TSC22D2: variants seen among roughly 807,000 people sequenced by gnomAD.
TSC22D2 encodes the protein TSC22 domain family member 2, also known as TSC22 domain family protein 2.
In TSC22D2, 5 loss-of-function variants were observed where a neutral mutation model predicts 50.1. The observed-to-expected ratio is 0.10, with a 90% CI of 0.05 to 0.21. TSC22D2 has a LOEUF of 0.21. Among genes scored for constraint, TSC22D2 ranks in the 10% least tolerant of loss-of-function variants. The probability of loss-of-function intolerance (pLI) is 1.00; values close to 1 mark genes in which losing one functional copy is unlikely to be tolerated. For missense variants in TSC22D2, 1,003 were observed against 1,015.5 expected (o/e 0.99, Z 0.17); for synonymous variants, 501 against 450.1 (o/e 1.11, Z -1.43).
chr3:150,411,154 C>T lies in TSC22D2; in HGVS notation c.1804C>T (p.Pro602Ser). ...TACTAGAAGAAAATCAGAACCCCTACCTCAACCACCACTTTCTCTCATTGC... is the reference window on the plus strand; with the variant it reads ...TACTAGAAGAAAATCAGAACCCCTATCTCAACCACCACTTTCTCTCATTGC... ...DDTRRKSEPL[P>S]QPPLSLIAEN... The change falls in exon 1 of 3, where the codon CCT becomes TCT. Residue 602 changes from proline to serine, a missense_variant. Around this residue, in one of 6 missense-constraint regions of TSC22D2, gnomAD observed 696 missense variants for 647.8 expected, o/e 1.07. Coordinates refer to ENST00000688009, the MANE Select transcript of TSC22D2 (RefSeq NM_001303264.2). 6.2e-7 allele frequency: 1 copy of T among 1,614,156 alleles called. No individual in the cohort carries two copies. The highest frequency in any genetic ancestry group is 8.5e-7 in the Non-Finnish European group (1 of 1,180,038).
At chr3:150,449,060 C>G (rs976987853) in intron 1 of TSC22D2, among the ~76,000 whole-genome samples, 11 of 152,092 alleles carry the variant, frequency 7.2e-5, no homozygotes, top group African/African-American at 2.7e-4. Flanking sequence ...ACATCACATT[C>G]TCAGATGGTT....
Position 150,458,755 on chromosome 3 carries a change from T to C in TSC22D2, c.*119T>C. 7.6e-7 allele frequency: 1 copy of C among 1,315,642 alleles called. No homozygotes were observed. The highest frequency in any genetic ancestry group is 1.5e-5 in the South Asian group (1 of 68,516). The allele number at this position is 1,315,642 out of a possible 1,614,324, so 81.5% of individuals were successfully genotyped here. A position where few individuals can be genotyped will look rare whatever the true frequency, so the allele number is the denominator to read the frequency against. On this transcript the variant is annotated 3_prime_UTR_variant, in exon 3 of 3. Transcript: ENST00000688009. The stretch of plus-strand genomic sequence containing the variant: ...ATGCTTTGGTTGTGTGTTTGGCCTT[T>C]TCAGTATTAGACAATCATTCTACAA...
At chr3:150,427,472 A>G (rs2108075283) in intron 1 of TSC22D2, among the ~76,000 whole-genome samples, 1 of 152,198 alleles carries the variant, frequency 6.6e-6, no homozygotes, top group Admixed American at 6.5e-5. Context: ...GCATAGTTGT[A>G]GATGTGGACT....
At position 150,410,790 on chromosome 3, in the gene TSC22D2, C is replaced by G. The variant is rs771085353; in HGVS notation, c.1440C>G (p.Ser480=). ...LGPAGAGQPQ[S]VPPPQMGGSG... ...CTGCCGGGGCTGGGCAGCCCCAGTC[C>G]GTGCCTCCGCCGCAGATGGGTGGCA... Residue 480 remains serine (S), a synonymous_variant, in exon 1 of 3, where the codon TCC becomes TCG. Transcript: ENST00000688009. 3.1e-6 allele frequency: 5 copies of G among 1,612,648 alleles called. No individual in the cohort carries two copies. In the South Asian group the frequency reaches 5.5e-5, roughly 18 times the overall value.
chr3:150,411,655 C>T (rs945742310), intron 1 of TSC22D2, among the ~76,000 whole-genome samples: 1 of 151,480 alleles, frequency 6.6e-6, no homozygotes, highest in African/African-American at 2.4e-5. Flanking sequence ...CACTTGAACA[C>T]GTAAGGCAGA....
chr3:150,463,666 T>A lies in TSC22D2; in HGVS notation c.*5030T>A, dbSNP rs1721479099. On this transcript the variant is annotated 3_prime_UTR_variant, in exon 3 of 3. Transcript: ENST00000688009. ...CAATTGGTATGACATGCTGTGTTCATAGATGAAAATGCTAAGTGAGGCACT... is the reference window on the plus strand; with the variant it reads ...CAATTGGTATGACATGCTGTGTTCAAAGATGAAAATGCTAAGTGAGGCACT... The A allele has an allele frequency of 6.6e-6, 1 of 152,182 alleles. No individual in the cohort carries two copies. Among genetic ancestry groups the A allele is most frequent in the Admixed American group, 6.5e-5 (1 of 15,278 alleles). 9.4% of individuals were successfully genotyped at this position (152,182 alleles called of 1,614,324 possible). A position where few individuals can be genotyped will look rare whatever the true frequency, so the allele number is the denominator to read the frequency against.
chr3:150,441,487 T>C (rs754243157), intron 1 of TSC22D2, among the ~76,000 whole-genome samples: 13 of 152,126 alleles, frequency 8.5e-5, no homozygotes, highest in Non-Finnish European at 1.6e-4. Flanking sequence ...AGGCCGGGCA[T>C]GGTGGCTCAT....
chr3:150,443,095 T>G (rs553996834), intron 1 of TSC22D2, among the ~76,000 whole-genome samples: 1 of 152,300 alleles, frequency 6.6e-6, no homozygotes, highest in East Asian at 1.9e-4. Flanking sequence ...TAACCACCTA[T>G]CCTATACTTG....
At chr3:150,418,968 C>T in intron 1 of TSC22D2, among the ~76,000 whole-genome samples, 1 of 152,008 alleles carries the variant, frequency 6.6e-6, no homozygotes, top group Middle Eastern at 3.2e-3. Flanking sequence ...ACCCCTGGCT[C>T]TAAGTTTAAG....
At position 150,413,018 on chromosome 3, in the gene TSC22D2, C is replaced by T. The variant is rs767601028; in HGVS notation, c.1958+1710C>T. On this transcript the variant is annotated intron_variant, in intron 1 of 2. Coordinates refer to ENST00000688009, the MANE Select transcript of TSC22D2 (RefSeq NM_001303264.2). Reference sequence around the variant, plus strand: ...TCTATACACACACACACCCCTCCACCCGAGAATGCAGATTACATTTTCCCT... The same window carrying T: ...TCTATACACACACACACCCCTCCACTCGAGAATGCAGATTACATTTTCCCT... Among the ~76,000 whole-genome samples, 53 of 152,184 alleles carry T rather than the reference C, an allele frequency of 3.5e-4. 1 individual carries two copies. Among genetic ancestry groups the T allele is most frequent in the Admixed American group, 6.5e-4 (10 of 15,298 alleles).
intron 1 of TSC22D2, among the ~76,000 whole-genome samples, chr3:150,442,680 CGGTTTTGGTGCAGTG>C (rs1560089133): frequency 6.6e-6 from 1 of 152,152 alleles, no homozygotes; most frequent in East Asian, 1.9e-4. Context: ...AGTCATATCT[CGGTTTTGGTGCAGTG>C]GCTCAAGCCT....
chr3:150,436,363 G>T (rs1720544430), intron 1 of TSC22D2, among the ~76,000 whole-genome samples: 1 of 151,798 alleles, frequency 6.6e-6, no homozygotes, highest in African/African-American at 2.4e-5. Context: ...TTAACAAAGG[G>T]TCAAGCAGTC....
At chr3:150,417,484 G>A (rs980208849) in intron 1 of TSC22D2, among the ~76,000 whole-genome samples, 1 of 152,242 alleles carries the variant, frequency 6.6e-6, no homozygotes, top group East Asian at 1.9e-4. Context: ...GTTTAATTAT[G>A]TGTTAACATA....
At position 150,410,181 on chromosome 3, in the gene TSC22D2, G is replaced by T. The variant is rs1247398819; in HGVS notation, c.831G>T (p.Pro277=). ...QSFSVGQPQP[P]PPPVGGAVAQ... is the part of the protein sequence containing the mutation. ...TTAGCGTTGGGCAGCCACAGCCGCC[G>T]CCGCCACCCGTAGGTGGGGCTGTGG... Residue 277 remains proline, a synonymous_variant, in exon 1 of 3, where the codon CCG becomes CCT. Transcript: ENST00000688009. The T allele has an allele frequency of 1.9e-6, 3 of 1,607,874 alleles. No individual in the cohort carries two copies. Among genetic ancestry groups the T allele is most frequent in the African/African-American group, 2.7e-5 (2 of 74,846 alleles).
chr3:150,443,733 C>T (rs752774994), intron 1 of TSC22D2, among the ~76,000 whole-genome samples: 1 of 152,082 alleles, frequency 6.6e-6, no homozygotes, highest in Non-Finnish European at 1.5e-5. Flanking sequence ...AATTTTGATT[C>T]AGTAGAGAGT....
rs778393786 is a variant in TSC22D2 at position 150,409,703 on chromosome 3, C to A, written c.353C>A (p.Ala118Asp). ...GCCCGGAGCGTGTCTGGGGCGCTCG[C>A]CAGTACCCTGGCGGCGGCTGCCACT... The part of the protein sequence containing the change: ...VSARSVSGAL[A>D]STLAAAATSA... The change falls in exon 1 of 3, where the codon GCC (alanine) becomes GAC (aspartate). Residue 118 changes from alanine (A) to aspartate (D), a missense_variant. Ala to Asp is a moderately radical substitution (Grantham distance 126). Transcript: ENST00000688009. This position sits in a 1 kb window ranked among gnomAD's most constrained non-coding sequence, Gnocchi z 7.4. 162 of 1,590,852 alleles carry A rather than the reference C, an allele frequency of 1.0e-4. No homozygotes were observed. The highest frequency in any genetic ancestry group is 1.4e-4 in the Non-Finnish European group (159 of 1,171,848).
intron 1 of TSC22D2, among the ~76,000 whole-genome samples, chr3:150,450,953 T>C (rs9917800): frequency 0.025 from 3,747 of 152,240 alleles, 161 homozygotes; most frequent in African/African-American, 0.085. Context: ...GGAATAAAAG[T>C]TATAGATGAT....
At chr3:150,414,792 T>C (rs1278548735) in intron 1 of TSC22D2, among the ~76,000 whole-genome samples, 1 of 151,884 alleles carries the variant, frequency 6.6e-6, no homozygotes, top group Non-Finnish European at 1.5e-5. Context: ...CAGAACTGTC[T>C]CAGTCTTCGA....
rs148377812 is a variant in TSC22D2 at position 150,464,113 on chromosome 3, AAAGTT to A, written c.*5483_*5487del. The A allele has an allele frequency of 7.9e-5, 12 of 152,298 alleles. No homozygotes were observed. The East Asian group carries it at 2.1e-3, about 27-fold the overall frequency. The allele number at this position is 152,298 out of a possible 1,614,324, so 9.4% of individuals were successfully genotyped here. On this transcript the variant is annotated 3_prime_UTR_variant, in exon 3 of 3. Coordinates refer to ENST00000688009, the MANE Select transcript of TSC22D2 (RefSeq NM_001303264.2). ...TGCCACAGTTCAACTTCTCCATAAA[AAAGTT>A]AAGTTCATCTCTCCATTCTTTTGCA...
Sources: gnomAD v4.1 joint callset for allele counts (sites outside exome capture counted in the v4.1 genomes callset) on GRCh38, gnomAD v4.1.1 for gene constraint, gnomAD v4.1.1 regional missense constraint, Gnocchi (gnomAD v3.1) non-coding constraint, MANE v1.5 for transcripts, NCBI Gene and HGNC (gene_info 2026-07-23, HGNC 2026-07-21) for gene names.